HEATR3: variants seen among roughly 807,000 people sequenced by gnomAD.
HEATR3 encodes HEAT repeat-containing protein 3.
In HEATR3, 56 loss-of-function variants were observed where a neutral mutation model predicts 72.8. The observed-to-expected ratio is 0.77, with a 90% CI of 0.62 to 0.96. The LOEUF is 0.96. HEATR3 is among the 40% of genes least tolerant of loss of function. The probability of loss-of-function intolerance (pLI) is 0.00; values close to 1 mark genes in which losing one functional copy is unlikely to be tolerated. For missense variants in HEATR3, 747 were observed against 831.4 expected (o/e 0.90, Z 1.25); for synonymous variants, 331 against 318.1 (o/e 1.04, Z -0.43).
intron 6 of HEATR3, among the ~76,000 whole-genome samples, chr16:50,076,438 T>C (rs2036729688): frequency 6.6e-6 from 1 of 152,196 alleles, no homozygotes; most frequent in South Asian, 2.1e-4. Context: ...TTTGCCCACC[T>C]TGACCTCCTA....
chr16:50,098,482 C>T (rs1173869233), intron 12 of HEATR3: 1 of 152,006 alleles, frequency 6.6e-6, no homozygotes, highest in Non-Finnish European at 1.5e-5. Flanking sequence ...AGTGAAACCC[C>T]GTCTCTATTA....
Position 50,100,273 on chromosome 16 carries a change from T to C in HEATR3, c.1643T>C (p.Ile548Thr). ...DQLMTLCKAG[I>T]HSSNVGVRVN... ...CTGATGACATTATGCAAAGCAGGCA[T>C]TCATAGTAGTAATGTCGGGGTTAGA... Residue 548 changes from isoleucine (I) to threonine (T), a missense_variant, in exon 13 of 15, where the codon ATT (isoleucine) becomes ACT (threonine). Ile to Thr is a moderately conservative substitution (Grantham distance 89). This residue lies in a region of HEATR3 where 586 missense variants were observed against 708.8 expected (regional missense o/e 0.83). Coordinates refer to ENST00000299192, the MANE Select transcript of HEATR3 (RefSeq NM_182922.4). 1 of 1,614,076 alleles carries C rather than the reference T, an allele frequency of 6.2e-7. No homozygotes were observed. The highest frequency in any genetic ancestry group is 8.5e-7 in the Non-Finnish European group (1 of 1,179,952).
chr16:50,102,393 A>G lies in HEATR3; in HGVS notation c.1878A>G (p.Leu626=). ...AAAGAGCCTCGATTCAAATTAAATT[A>G]TTATCTGCTCTGAAAGAATTCCAGC... ...EAERASIQIK[L]LSALKEFQPV... is the part of the protein sequence containing the mutation. Residue 626 remains leucine (L), a synonymous_variant, in exon 14 of 15, where the codon TTA becomes TTG. Transcript: ENST00000299192. The G allele has an allele frequency of 1.2e-6, 2 of 1,614,106 alleles. No homozygotes were observed. The highest frequency in any genetic ancestry group is 1.7e-6 in the Non-Finnish European group (2 of 1,180,034).
At position 50,084,117 on chromosome 16, in the gene HEATR3, GT is replaced by G. The variant is rs2036933166; in HGVS notation, c.1133-14del. On this transcript the variant is annotated splice_polypyrimidine_tract_variant and intron_variant, in intron 8 of 14. Coordinates refer to ENST00000299192, the MANE Select transcript of HEATR3 (RefSeq NM_182922.4). ...TTCTTAACTATTCCAGTTCTGCGTGGTTTGCCCGCTTCCCAGATCCCTCTGA... is the reference window on the plus strand; with the variant it reads ...TTCTTAACTATTCCAGTTCTGCGTGGTTGCCCGCTTCCCAGATCCCTCTGA... 1 of 1,613,992 alleles carries G rather than the reference GT, an allele frequency of 6.2e-7. No homozygotes were observed.
chr16:50,066,802 C>T (rs1191652184), intron 2 of HEATR3: 2 of 373,832 alleles, frequency 5.3e-6, no homozygotes, highest in African/African-American at 4.2e-5. Context: ...TTTACACTCT[C>T]CAAAAGCCCT....
intron 7 of HEATR3, among the ~76,000 whole-genome samples, chr16:50,083,232 A>G (rs2036911049): frequency 6.6e-6 from 1 of 152,230 alleles, no homozygotes; most frequent in South Asian, 2.1e-4. Flanking sequence ...TTGGAATATC[A>G]GTATGGTTAT....
intron 5 of HEATR3, 48 bp from the exon 6 acceptor site, chr16:50,075,523 C>G (rs746532161): frequency 6.5e-6 from 10 of 1,547,906 alleles, no homozygotes; most frequent in Non-Finnish European, 1.8e-6. Flanking sequence ...TGTAAATTAT[C>G]CAAAGCAGAA....
chr16:50,094,847 G>T, intron 12 of HEATR3, 54 bp downstream of exon 12: 3 of 990,328 alleles, frequency 3.0e-6, no homozygotes, highest in South Asian at 1.5e-5. Flanking sequence ...GTATTATGGA[G>T]GCAAAATTCA....
At chr16:50,083,869 G>A (rs1259274474) in intron 7 of HEATR3, 68 bp from the exon 8 acceptor site, 1 of 1,439,662 alleles carries the variant, frequency 6.9e-7, no homozygotes, top group Admixed American at 2.0e-5. Context: ...CTTTCACTAA[G>A]GAAATTCCCC....
chr16:50,091,180 A>AT, intron 11 of HEATR3, among the ~76,000 whole-genome samples: 1 of 148,586 alleles, frequency 6.7e-6, no homozygotes, highest in South Asian at 2.1e-4. Flanking sequence ...AAGAAAAAAA[A>AT]TTCAGGCTGG....
chr16:50,066,623 G>T, intron 2 of HEATR3, 84 bp downstream of exon 2: 1 of 1,188,960 alleles, frequency 8.4e-7, no homozygotes, highest in Non-Finnish European at 1.1e-6. Context: ...GTCACCCAGC[G>T]CCTTCTGTGT....
intron 14 of HEATR3, among the ~76,000 whole-genome samples, chr16:50,104,677 C>T (rs761955717): frequency 7.9e-5 from 12 of 152,150 alleles, no homozygotes; most frequent in Admixed American, 2.0e-4. Flanking sequence ...TCATGGTTTA[C>T]ATAATTCCTT....
chr16:50,094,563 A>G, intron 11 of HEATR3, 142 bp from the exon 12 acceptor site: 1 of 505,576 alleles, frequency 2.0e-6, no homozygotes. Flanking sequence ...TTTGGCTTAA[A>G]TATCGAGGGT....
intron 11 of HEATR3, among the ~76,000 whole-genome samples, chr16:50,091,972 T>C (rs1567442025): frequency 6.6e-6 from 1 of 152,164 alleles, no homozygotes; most frequent in Non-Finnish European, 1.5e-5. Context: ...TTCATAATTT[T>C]ATAGGGCTAT....
intron 6 of HEATR3, among the ~76,000 whole-genome samples, chr16:50,076,947 A>G (rs1348139202): frequency 3.5e-5 from 5 of 143,968 alleles, no homozygotes; most frequent in Non-Finnish European, 7.5e-5. Flanking sequence ...CACTCACTGC[A>G]AGCTCCGCTT....
At chr16:50,068,083 G>A (rs2036537118) in intron 2 of HEATR3, among the ~76,000 whole-genome samples, 7 of 152,134 alleles carry the variant, frequency 4.6e-5, no homozygotes, top group Admixed American at 4.6e-4. Flanking sequence ...CTTTAGGGAG[G>A]AAACAGCATG....
At chr16:50,095,566 A>G (rs2037217245) in intron 12 of HEATR3, among the ~76,000 whole-genome samples, 1 of 151,936 alleles carries the variant, frequency 6.6e-6, no homozygotes, top group South Asian at 2.1e-4. Context: ...AAGCAGAGAT[A>G]ATAATGTTGC....
intron 13 of HEATR3, 38 bp from the exon 14 acceptor site, chr16:50,102,221 T>G (rs1422225514): frequency 1.9e-6 from 3 of 1,557,082 alleles, no homozygotes; most frequent in Non-Finnish European, 2.6e-6. Context: ...TTTTGGAGAC[T>G]GGTGTTAGTC....
chr16:50,083,741 C>T (rs2036922022), intron 7 of HEATR3, among the ~76,000 whole-genome samples, 196 bp from the exon 8 acceptor site: 2 of 152,162 alleles, frequency 1.3e-5, no homozygotes, highest in African/African-American at 4.8e-5. Context: ...CGGGGGCATG[C>T]TCCACTGTAC....
Sources: gnomAD v4.1 joint callset for allele counts (sites outside exome capture counted in the v4.1 genomes callset) on GRCh38, gnomAD v4.1.1 for gene constraint, gnomAD v4.1.1 regional missense constraint, MANE v1.5 for transcripts, NCBI Gene and HGNC (gene_info 2026-07-23, HGNC 2026-07-21) for gene names.